XRN2: variants seen among roughly 807,000 people sequenced by gnomAD.
XRN2 encodes the protein 5'-3' exoribonuclease 2.
A neutral mutation model predicts 138.5 loss-of-function variants in XRN2; 44 were observed. The ratio of observed to expected loss-of-function variants is 0.32; its 90% CI spans 0.25 to 0.41. The LOEUF (loss-of-function observed/expected upper bound fraction) is 0.41, where lower values mean the gene tolerates loss of function less well. Ranked by LOEUF, XRN2 falls within the 10% of genes least tolerant of loss-of-function variation. The pLI, the probability that XRN2 is intolerant of heterozygous loss-of-function variation, is 1.00. For missense variants in XRN2, 937 were observed against 1,169.3 expected, an observed-to-expected ratio of 0.80 and a Z score of 2.90; for synonymous variants, 354 against 369.4, an observed-to-expected ratio of 0.96 and a Z score of 0.48.
chr20:21,374,141 A>G (rs535694880), intron 27 of XRN2, among the ~76,000 whole-genome samples: 7 of 152,278 alleles, frequency 4.6e-5, no homozygotes, highest in African/African-American at 1.4e-4. Context: ...TTGCTTGTTT[A>G]TATGTAGAAA....
chr20:21,332,359 G>A lies in XRN2; in HGVS notation c.777G>A (p.Lys259=), dbSNP rs760906752. 7 of 1,613,678 alleles carry A rather than the reference G, an allele frequency of 4.3e-6. No homozygotes were observed. In the Admixed American group the frequency reaches 1.0e-4, roughly 23 times the overall value. The change falls in exon 9 of 30, where the codon AAG becomes AAA. Residue 259 remains lysine, a synonymous_variant. Coordinates refer to ENST00000377191, the MANE Select transcript of XRN2 (RefSeq NM_012255.5). ...TTAGAGAAGAATTCAAACCAAACAA[G>A]CCCAAACCATGTGGTCTTTGTAATC... ...TIIREEFKPN[K]PKPCGLCNQF... is the part of the protein sequence containing the mutation.
At chr20:21,322,933 A>C (rs980666358) in intron 1 of XRN2, among the ~76,000 whole-genome samples, 2 of 152,182 alleles carry the variant, frequency 1.3e-5, no homozygotes, top group Admixed American at 6.5e-5. Flanking sequence ...ATTGTTACTC[A>C]GCCAGGGCAC....
chr20:21,340,951 T>C, intron 15 of XRN2, 99 bp downstream of exon 15: 1 of 1,398,966 alleles, frequency 7.1e-7, no homozygotes, highest in African/African-American at 1.4e-5. Flanking sequence ...CCTGGAGTTT[T>C]GTTTTATAGT....
rs1185516783 is a variant in XRN2, at chr20:21,346,472, A to G, written c.1587A>G (p.Ala529=). The G allele has an allele frequency of 6.2e-7, 1 of 1,614,108 alleles. No individual in the cohort carries two copies. Among genetic ancestry groups the G allele is most frequent in the East Asian group, 2.2e-5 (1 of 44,898 alleles). The change falls in exon 17 of 30, where the codon GCA becomes GCG. Residue 529 remains alanine (A), a synonymous_variant. Transcript: ENST00000377191. ...RYYKNKFDVD[A]ADEKFRRKVV... ...ACAAGAACAAATTTGATGTGGATGC[A>G]GCTGATGAGAAATTCCGTCGGAAAG...
intron 22 of XRN2, 34 bp downstream of exon 22, chr20:21,356,211 C>G (rs1455367489): frequency 1.3e-6 from 2 of 1,546,514 alleles, no homozygotes; most frequent in Non-Finnish European, 1.8e-6. Flanking sequence ...TAGAAATGCA[C>G]TTTTTAAAAT....
intron 29 of XRN2, 118 bp from the exon 30 acceptor site, chr20:21,389,155 T>C: frequency 2.3e-6 from 2 of 872,460 alleles, no homozygotes; most frequent in Admixed American, 3.0e-5. Context: ...TTCCATGTGC[T>C]GTACCTTTAA....
chr20:21,340,596 G>T (rs1364332627), intron 14 of XRN2, 125 bp from the exon 15 acceptor site: 2 of 1,058,932 alleles, frequency 1.9e-6, no homozygotes, highest in African/African-American at 1.6e-5. Context: ...AGATCATTTG[G>T]TTTTTTAGTG....
At chr20:21,304,497 T>C (rs1410314686) in intron 1 of XRN2, among the ~76,000 whole-genome samples, 11 of 152,244 alleles carry the variant, frequency 7.2e-5, no homozygotes, top group Admixed American at 6.5e-4. Context: ...AATCGAACTT[T>C]ATTGAACTTT....
intron 28 of XRN2, 81 bp downstream of exon 28, chr20:21,382,138 CCT>C: frequency 1.6e-6 from 2 of 1,232,646 alleles, no homozygotes; most frequent in Non-Finnish European, 2.3e-6. Flanking sequence ...GAAGCTAAAA[CCT>C]CTGTGGTTTG....
At chr20:21,315,386 T>C in intron 1 of XRN2, among the ~76,000 whole-genome samples, 1 of 152,206 alleles carries the variant, frequency 6.6e-6, no homozygotes, top group East Asian at 1.9e-4. Context: ...TCTCCTGTGG[T>C]TTTGATTTGC....
Position 21,303,366 on chromosome 20 carries a change from C to G in XRN2, c.-33C>G, listed in dbSNP as rs182718306. 5.2e-6 allele frequency: 8 copies of G among 1,541,460 alleles called. No homozygotes were observed. Among genetic ancestry groups the G allele is most frequent in the East Asian group, 2.5e-5 (1 of 39,298 alleles). On this transcript the variant is annotated 5_prime_UTR_variant, in exon 1 of 30. Transcript: ENST00000377191. ...CCGTCTCTTTGGTTACGCTCGTCAGCCGGTCGGCCGCCGCCTCCAGCCGTG... is the reference window on the plus strand; with the variant it reads ...CCGTCTCTTTGGTTACGCTCGTCAGGCGGTCGGCCGCCGCCTCCAGCCGTG...
At chr20:21,338,460 C>T (rs1312039566) in intron 13 of XRN2, among the ~76,000 whole-genome samples, 1 of 152,134 alleles carries the variant, frequency 6.6e-6, no homozygotes. Context: ...CAATTTCCTT[C>T]CTTTTTTTCC....
At chr20:21,322,370 A>T (rs1156963127) in intron 1 of XRN2, among the ~76,000 whole-genome samples, 1 of 152,240 alleles carries the variant, frequency 6.6e-6, no homozygotes, top group Non-Finnish European at 1.5e-5. Context: ...ATTTTTCATT[A>T]GCCCTTTGGC....
chr20:21,313,920 T>A (rs1014674925), intron 1 of XRN2, among the ~76,000 whole-genome samples: 1 of 152,234 alleles, frequency 6.6e-6, no homozygotes. Context: ...TTAAACAGCT[T>A]TGTTGAGATA....
intron 24 of XRN2, among the ~76,000 whole-genome samples, chr20:21,358,784 C>T (rs2038604333): frequency 6.6e-6 from 1 of 152,088 alleles, no homozygotes; most frequent in African/African-American, 2.4e-5. Flanking sequence ...TTTATCTTTA[C>T]ACCTAATTTG....
intron 14 of XRN2, 112 bp downstream of exon 14, chr20:21,339,200 G>A (rs531900957): frequency 4.3e-5 from 45 of 1,042,520 alleles, no homozygotes; most frequent in Non-Finnish European, 5.6e-5. Context: ...AGTCAGGGAC[G>A]TAAGTGTCCA....
At chr20:21,314,206 C>A (rs897856293) in intron 1 of XRN2, among the ~76,000 whole-genome samples, 2 of 152,180 alleles carry the variant, frequency 1.3e-5, no homozygotes, top group Admixed American at 6.5e-5. Context: ...TTCTGGCTGG[C>A]TGCTTTCACT....
At chr20:21,376,124 C>T (rs1345273124) in intron 27 of XRN2, among the ~76,000 whole-genome samples, 1 of 152,122 alleles carries the variant, frequency 6.6e-6, no homozygotes, top group Admixed American at 6.5e-5. Context: ...AGGCGTGAGC[C>T]ACTGCCCCCA....
intron 4 of XRN2, among the ~76,000 whole-genome samples, chr20:21,328,908 A>T (rs1010647079): frequency 6.6e-6 from 1 of 152,180 alleles, no homozygotes; most frequent in Non-Finnish European, 1.5e-5. Context: ...TCTGGTGGAG[A>T]TTGCAGATTG....
Sources: gnomAD v4.1 joint callset for allele counts (sites outside exome capture counted in the v4.1 genomes callset) on GRCh38, gnomAD v4.1.1 for gene constraint, MANE v1.5 for transcripts, NCBI Gene and HGNC (gene_info 2026-07-23, HGNC 2026-07-21) for gene names.